The following IQCM variants were observed in gnomAD, a reference collection of about 807,000 sequenced individuals.
IQCM encodes IQ motif containing M.
IQCM carries 45 observed loss-of-function variants against 57.6 expected under a neutral mutation model. That is an observed-to-expected ratio of 0.78 (90% CI 0.62 to 1.00). IQCM has a LOEUF of 1.00. IQCM is among the 50% of genes least tolerant of loss of function. IQCM has a pLI of 0.00. For synonymous variants in IQCM, 148 were observed against 158.9 expected, an observed-to-expected ratio of 0.93 and a Z score of 0.51; for missense variants, 468 against 511.6, an observed-to-expected ratio of 0.91 and a Z score of 0.82.
intron 2 of IQCM, among the ~76,000 whole-genome samples, chr4:149,764,169 C>T (rs538707769): frequency 2.5e-4 from 38 of 152,116 alleles, no homozygotes; most frequent in African/African-American, 8.7e-4. Context: ...GAATCAGATT[C>T]GAGGTCCGTC....
chr4:149,699,164 A>G (rs1280710487), intron 5 of IQCM, among the ~76,000 whole-genome samples: 1 of 152,104 alleles, frequency 6.6e-6, no homozygotes, highest in African/African-American at 2.4e-5. Context: ...AGCACAACAT[A>G]TTGAAAACAA....
Position 149,366,208 on chromosome 4 carries a change from T to C in IQCM, c.1391-14142A>G, listed in dbSNP as rs566850784. On this transcript the variant is annotated intron_variant, in intron 13 of 13. Coordinates refer to ENST00000636793, the MANE Select transcript of IQCM (RefSeq NM_001363507.2). ...AATAACAGAAATACAAAAGAAAATATCATAGCTCTAATAAAAGAGTACCAA... is the reference window on the plus strand; with the variant it reads ...AATAACAGAAATACAAAAGAAAATACCATAGCTCTAATAAAAGAGTACCAA... Among the ~76,000 whole-genome samples, 21 of 152,114 alleles carry C rather than the reference T, an allele frequency of 1.4e-4. 2 individuals carry two copies. The South Asian group carries it at 4.4e-3, about 32-fold the overall frequency.
intron 13 of IQCM, among the ~76,000 whole-genome samples, chr4:149,355,301 G>C (rs1039970959): frequency 6.6e-6 from 1 of 151,834 alleles, no homozygotes; most frequent in Non-Finnish European, 1.5e-5. Flanking sequence ...GTGCAGGTTT[G>C]TTACATATGT....
At chr4:149,780,548 A>ATATAT (rs1561267593) in intron 2 of IQCM, among the ~76,000 whole-genome samples, 1 of 134,102 alleles carries the variant, frequency 7.5e-6, no homozygotes, top group African/African-American at 2.6e-5. Flanking sequence ...TATATATATA[A>ATATAT]AACATATTTT....
intron 13 of IQCM, among the ~76,000 whole-genome samples, chr4:149,414,425 T>A (rs1733601427): frequency 6.6e-6 from 1 of 152,136 alleles, no homozygotes; most frequent in Admixed American, 6.5e-5. Context: ...AATTTCAGTC[T>A]CTGATTCATG....
At chr4:149,593,375 C>A (rs986148350) in intron 8 of IQCM, among the ~76,000 whole-genome samples, 14 of 152,192 alleles carry the variant, frequency 9.2e-5, no homozygotes, top group Admixed American at 3.9e-4. Flanking sequence ...ATGGGGTTTT[C>A]TAAATATACA....
chr4:149,743,594 T>C (rs1039525), intron 2 of IQCM, among the ~76,000 whole-genome samples: 128,762 of 152,106 alleles, frequency 0.85, 54,706 homozygotes, highest in East Asian at 0.99. Context: ...TTTAAATATA[T>C]GTCTAGAGTG....
chr4:149,386,777 A>G (rs893847698), intron 13 of IQCM, among the ~76,000 whole-genome samples: 1 of 151,934 alleles, frequency 6.6e-6, no homozygotes, highest in South Asian at 2.1e-4. Flanking sequence ...CAGGTGTTCT[A>G]TAGAATGTCC....
Position 149,533,827 on chromosome 4 carries a change from G to C in IQCM, c.1228+14628C>G, listed in dbSNP as rs573560623. Among the ~76,000 whole-genome samples the C allele has an allele frequency of 2.6e-5, 4 of 152,196 alleles. No homozygotes were observed. In the South Asian group the frequency reaches 6.2e-4, roughly 24 times the overall value. On this transcript the variant is annotated intron_variant, in intron 12 of 13. Transcript: ENST00000636793. ...TTATGGGAATTACAGTTGAAGATGAGATTTGGGTGGGGACACAGCCAAACC... is the reference window on the plus strand; with the variant it reads ...TTATGGGAATTACAGTTGAAGATGACATTTGGGTGGGGACACAGCCAAACC...
intron 7 of IQCM, among the ~76,000 whole-genome samples, chr4:149,650,045 T>C (rs959285559): frequency 3.3e-5 from 5 of 152,146 alleles, no homozygotes; most frequent in African/African-American, 4.8e-5. Flanking sequence ...CAAAAGATAG[T>C]AGGCCCCATG....
chr4:149,591,084 G>A (rs1753115394), intron 8 of IQCM, among the ~76,000 whole-genome samples: 1 of 151,988 alleles, frequency 6.6e-6, no homozygotes, highest in Non-Finnish European at 1.5e-5. Flanking sequence ...CTAAATAGAT[G>A]TATTGAAAAC....
chr4:149,667,933 G>C (rs934161183), intron 7 of IQCM, among the ~76,000 whole-genome samples: 1 of 152,178 alleles, frequency 6.6e-6, no homozygotes, highest in Non-Finnish European at 1.5e-5. Context: ...TATGTGAAAA[G>C]ACCAAAACTA....
At chr4:149,666,426 A>G (rs1445492866) in intron 7 of IQCM, among the ~76,000 whole-genome samples, 1 of 152,112 alleles carries the variant, frequency 6.6e-6, no homozygotes, top group Non-Finnish European at 1.5e-5. Flanking sequence ...TGGTCTTTGC[A>G]ATCCACAGAC....
At chr4:149,417,875 A>T (rs1325479933) in intron 13 of IQCM, among the ~76,000 whole-genome samples, 2 of 149,654 alleles carry the variant, frequency 1.3e-5, no homozygotes, top group Non-Finnish European at 3.0e-5. Context: ...CCACTTGAAG[A>T]TTGTAGGAAT....
At chr4:149,699,751 C>A (rs3736406) in intron 5 of IQCM, among the ~76,000 whole-genome samples, 1 of 144,426 alleles carries the variant, frequency 6.9e-6, no homozygotes, top group Non-Finnish European at 1.5e-5. Flanking sequence ...GAGACCTTGA[C>A]GGAGATTTAG....
intron 12 of IQCM, among the ~76,000 whole-genome samples, chr4:149,519,105 T>C (rs1360221816): frequency 1.3e-5 from 2 of 152,204 alleles, no homozygotes; most frequent in African/African-American, 4.8e-5. Flanking sequence ...ACTTTTCTTT[T>C]TCTAGATAGA....
chr4:149,674,539 G>A (rs551602859), intron 7 of IQCM, among the ~76,000 whole-genome samples: 1 of 152,104 alleles, frequency 6.6e-6, no homozygotes, highest in Non-Finnish European at 1.5e-5. Flanking sequence ...CTATGCCTAT[G>A]ACAGAGTAGT....
At chr4:149,366,277 A>T (rs1289029764) in intron 13 of IQCM, among the ~76,000 whole-genome samples, 1 of 152,052 alleles carries the variant, frequency 6.6e-6, no homozygotes, top group East Asian at 1.9e-4. Flanking sequence ...TGGCTTGTGA[A>T]AACCTAGGGT....
At chr4:149,552,718 A>G (rs1276450979) in intron 11 of IQCM, among the ~76,000 whole-genome samples, 1 of 152,180 alleles carries the variant, frequency 6.6e-6, no homozygotes, top group East Asian at 1.9e-4. Context: ...GATTCAAGCT[A>G]TATGTATCAG....
Sources: gnomAD v4.1 joint callset for allele counts (sites outside exome capture counted in the v4.1 genomes callset) on GRCh38, gnomAD v4.1.1 for gene constraint, MANE v1.5 for transcripts, NCBI Gene and HGNC (gene_info 2026-07-23, HGNC 2026-07-21) for gene names.